BRI3BP: variants seen among roughly 807,000 people sequenced by gnomAD.
The protein encoded by BRI3BP is BRI3 binding protein, also known as BRI3-binding protein.
Under a neutral mutation model 15.8 loss-of-function variants are expected in BRI3BP, and 7 were observed. The observed-to-expected ratio is 0.44, with a 90% CI of 0.25 to 0.83. BRI3BP has a LOEUF of 0.83. BRI3BP is among the 40% of genes least tolerant of loss of function. The pLI is 0.20. For missense variants in BRI3BP, 320 were observed against 339.3 expected, an observed-to-expected ratio of 0.94 and a Z score of 0.45; for synonymous variants, 192 against 163.5, an observed-to-expected ratio of 1.17 and a Z score of -1.33.
intron 2 of BRI3BP, among the ~76,000 whole-genome samples, chr12:125,014,631 C>G (rs2135994927): frequency 1.3e-5 from 2 of 152,286 alleles, no homozygotes; most frequent in East Asian, 3.9e-4. Context: ...TAGTCACCCT[C>G]TGCTTGACAC....
At chr12:125,016,568 C>T (rs1244016175) in intron 2 of BRI3BP, among the ~76,000 whole-genome samples, 2 of 151,852 alleles carry the variant, frequency 1.3e-5, no homozygotes, top group Non-Finnish European at 2.9e-5. Flanking sequence ...CTCTATTGCC[C>T]AAGCTGAAGT....
downstream of BRI3BP, among the ~76,000 whole-genome samples, chr12:125,033,630 C>T (rs1006612763): frequency 3.3e-5 from 5 of 152,032 alleles, no homozygotes; most frequent in African/African-American, 4.8e-5. Context: ...TTGGGCCCGG[C>T]GTCAACCTTG....
chr12:125,002,458 TTTG>T (rs1450302713), intron 1 of BRI3BP, among the ~76,000 whole-genome samples: 4 of 146,574 alleles, frequency 2.7e-5, no homozygotes, highest in East Asian at 2.0e-4. Context: ...TTTTTTTTGT[TTTG>T]TTTTTTTTTT....
At chr12:125,036,309 C>T in the BRI3BP span, among the ~76,000 whole-genome samples, 40 of 151,520 alleles carry the variant, frequency 2.6e-4, no homozygotes, top group South Asian at 1.5e-3. Flanking sequence ...TCTGATCCCC[C>T]GCCTTGGCCT....
At chr12:125,011,017 T>C (rs1955192357) in intron 1 of BRI3BP, among the ~76,000 whole-genome samples, 1 of 146,354 alleles carries the variant, frequency 6.8e-6, no homozygotes, top group Non-Finnish European at 1.5e-5. Context: ...TTGCTTGAAC[T>C]TGGGAGGTGG....
chr12:124,999,606 T>C (rs1213446950), intron 1 of BRI3BP, among the ~76,000 whole-genome samples: 2 of 147,796 alleles, frequency 1.4e-5, no homozygotes, highest in East Asian at 2.0e-4. Context: ...TTATTTTTTA[T>C]TTTTATTTAT....
At chr12:124,996,755 G>C (rs1955044187) in intron 1 of BRI3BP, among the ~76,000 whole-genome samples, 1 of 128,162 alleles carries the variant, frequency 7.8e-6, no homozygotes, top group African/African-American at 3.1e-5. Flanking sequence ...ACACCCCATA[G>C]TCTTTTTTTT....
At chr12:125,037,350 G>A in the BRI3BP span, among the ~76,000 whole-genome samples, 83,364 of 151,814 alleles carry the variant, frequency 0.55, 24,887 homozygotes, top group East Asian at 0.69. Context: ...GAGCCGCCAC[G>A]CCCTGCCAAA....
chr12:125,037,039 A>G, the BRI3BP span, among the ~76,000 whole-genome samples: 82,171 of 152,118 alleles, frequency 0.54, 24,159 homozygotes, highest in East Asian at 0.69. Flanking sequence ...TCTTCATATG[A>G]AAAAATTAAA....
At chr12:125,047,963 C>G in the BRI3BP span, among the ~76,000 whole-genome samples, 1 of 148,576 alleles carries the variant, frequency 6.7e-6, no homozygotes, top group East Asian at 2.0e-4. Flanking sequence ...TCCCAAAGTG[C>G]TGGGATTACA....
At chr12:125,011,886 CTT>C (rs1955199636) in intron 1 of BRI3BP, among the ~76,000 whole-genome samples, 6 of 152,282 alleles carry the variant, frequency 3.9e-5, no homozygotes, top group Admixed American at 3.3e-4. Context: ...AACTTCCACT[CTT>C]TAAAAATGAG....
At chr12:125,011,736 G>T (rs1001749120) in intron 1 of BRI3BP, among the ~76,000 whole-genome samples, 1 of 150,276 alleles carries the variant, frequency 6.7e-6, no homozygotes, top group Admixed American at 6.7e-5. Context: ...AAAAAAAAAA[G>T]TTAAAATGAG....
At chr12:125,037,671 G>T in the BRI3BP span, among the ~76,000 whole-genome samples, 2 of 151,828 alleles carry the variant, frequency 1.3e-5, no homozygotes, top group Non-Finnish European at 2.9e-5. Context: ...AATTAGCTGG[G>T]TGTGTTACTG....
intron 1 of BRI3BP, among the ~76,000 whole-genome samples, chr12:125,003,371 C>T (rs1955113481): frequency 6.6e-6 from 1 of 152,124 alleles, no homozygotes; most frequent in Admixed American, 6.6e-5. Context: ...ATGGCTGGGC[C>T]TTGTTTGTCT....
chr12:124,996,456 C>T (rs190863391), intron 1 of BRI3BP, among the ~76,000 whole-genome samples: 9 of 151,858 alleles, frequency 5.9e-5, no homozygotes, highest in East Asian at 3.9e-4. Context: ...AGTGAGTAGC[C>T]GGGATTACAA....
Position 125,026,032 on chromosome 12 carries a change from C to G in BRI3BP, c.*602C>G, listed in dbSNP as rs1212436334. 1 of 152,200 alleles carries G rather than the reference C, an allele frequency of 6.6e-6. No individual in the cohort carries two copies. Among genetic ancestry groups the G allele is most frequent in the Non-Finnish European group, 1.5e-5 (1 of 68,054 alleles). 9.4% of individuals were successfully genotyped at this position (152,200 alleles called of 1,614,324 possible). On this transcript the variant is annotated 3_prime_UTR_variant, in exon 3 of 3. Coordinates refer to ENST00000341446, the MANE Select transcript of BRI3BP (RefSeq NM_080626.6). ...GACAGTTGGGCTGCAGGATGCAACT[C>G]AACCTCTTTTGGATCCTAGAGACCC...
Position 125,024,930 on chromosome 12 carries a change from G to C in BRI3BP, c.317-61G>C, listed in dbSNP as rs560946919. 8.9e-6 allele frequency: 13 copies of C among 1,453,512 alleles called. No homozygotes were observed. The African/African-American group carries it at 1.6e-4, about 17-fold the overall frequency. The allele number at this position is 1,453,512 out of a possible 1,614,324, so 90.0% of individuals were successfully genotyped here. The stretch of plus-strand genomic sequence containing the variant: ...AGGCCAGCTCAACTATCCAATTCTA[G>C]CTTGTTAAGAAACCCCTGGCCCCTG... On this transcript the variant is annotated intron_variant, in intron 2 of 2. Transcript: ENST00000341446.
the BRI3BP span, among the ~76,000 whole-genome samples, chr12:125,049,669 C>G: frequency 6.6e-6 from 1 of 152,204 alleles, no homozygotes; most frequent in South Asian, 2.1e-4. Context: ...TTTTCTGGTT[C>G]TTCTTCAGGA....
chr12:125,013,287 C>A (rs1955212566), intron 2 of BRI3BP, among the ~76,000 whole-genome samples: 1 of 152,170 alleles, frequency 6.6e-6, no homozygotes, highest in South Asian at 2.1e-4. Context: ...GACAGAGACA[C>A]TCACAGAACC....
Sources: allele counts gnomAD v4.1 joint callset (sites outside exome capture counted in the v4.1 genomes callset), GRCh38; gene constraint gnomAD v4.1.1; transcripts MANE v1.5; gene names NCBI Gene and HGNC (gene_info 2026-07-23, HGNC 2026-07-21).